The following PHF24 variants were observed in gnomAD, a reference collection of about 807,000 sequenced individuals.
PHF24 encodes the protein Galpha inhibitory interacting protein.
PHF24 carries 25 observed loss-of-function variants against 42.6 expected under a neutral mutation model. The observed-to-expected ratio is 0.59, with a 90% CI of 0.43 to 0.82. The LOEUF (loss-of-function observed/expected upper bound fraction) is 0.82, where lower values mean the gene tolerates loss of function less well. Ranked by LOEUF, PHF24 falls within the 40% of genes least tolerant of loss-of-function variation. The pLI, the probability that PHF24 is intolerant of heterozygous loss-of-function variation, is 0.00. For synonymous variants in PHF24, 185 were observed against 204.8 expected, an observed-to-expected ratio of 0.90 and a Z score of 0.83; for missense variants, 470 against 538.1, an observed-to-expected ratio of 0.87 and a Z score of 1.25.
At chr9:34,757,696 C>T in the PHF24 span, among the ~76,000 whole-genome samples, 2 of 151,740 alleles carry the variant, frequency 1.3e-5, no homozygotes, top group East Asian at 1.9e-4. Flanking sequence ...TATATAGTTT[C>T]GTCAGTTGTA....
At chr9:34,707,296 C>T in the PHF24 span, among the ~76,000 whole-genome samples, 1 of 152,240 alleles carries the variant, frequency 6.6e-6, no homozygotes, top group South Asian at 2.1e-4. Flanking sequence ...CACTCACTGG[C>T]GAGACTGATG....
chr9:34,775,521 A>G, the PHF24 span, among the ~76,000 whole-genome samples: 1 of 152,232 alleles, frequency 6.6e-6, no homozygotes, highest in Non-Finnish European at 1.5e-5. Context: ...ACACTCAACA[A>G]TGATTAAAAT....
chr9:34,732,128 T>C, the PHF24 span, among the ~76,000 whole-genome samples: 3 of 151,852 alleles, frequency 2.0e-5, no homozygotes, highest in East Asian at 5.8e-4. Flanking sequence ...TCCTAAAGTG[T>C]TGGGGTTACA....
At chr9:34,923,056 T>G in the PHF24 span, 36 of 450,338 alleles carry the variant, frequency 8.0e-5, no homozygotes, top group African/African-American at 2.5e-4. Flanking sequence ...TTTGTTTTTT[T>G]TTTTTTTTTA....
At chr9:34,976,453 C>T in intron 4 of PHF24, 82 bp from the exon 5 acceptor site, 1 of 1,456,184 alleles carries the variant, frequency 6.9e-7, no homozygotes, top group Middle Eastern at 2.4e-4. Context: ...GGTTTGGGGG[C>T]CCCGAGGGTG....
chr9:34,826,742 A>G, the PHF24 span, among the ~76,000 whole-genome samples: 1 of 152,126 alleles, frequency 6.6e-6, no homozygotes, highest in Non-Finnish European at 1.5e-5. Flanking sequence ...GCCATTCACC[A>G]TGACATGTTG....
At chr9:34,690,460 GT>G in the PHF24 span, 1 of 949,354 alleles carries the variant, frequency 1.1e-6, no homozygotes, top group Admixed American at 2.2e-5. Context: ...GTGTGTGTGT[GT>G]GTGTGTGTCT....
chr9:34,954,491 G>A (rs1201703773), upstream of PHF24, among the ~76,000 whole-genome samples: 1 of 152,214 alleles, frequency 6.6e-6, no homozygotes, highest in Non-Finnish European at 1.5e-5. Context: ...GTGGCCCCAA[G>A]AGATGTGTAT....
chr9:34,674,197 A>G, the PHF24 span, among the ~76,000 whole-genome samples: 2 of 152,250 alleles, frequency 1.3e-5, no homozygotes, highest in South Asian at 4.1e-4. Context: ...AAGACCCAGA[A>G]AGGTTAATTT....
Position 34,972,548 on chromosome 9 carries a change from G to A in PHF24, c.564+17G>A. The A allele has an allele frequency of 6.3e-7, 1 of 1,585,922 alleles. No homozygotes were observed. The highest frequency in any genetic ancestry group is 8.6e-7 in the Non-Finnish European group (1 of 1,163,906). ...CACTACTGTGTAAGTCTGGACTGCAGGGACAGCAGAGGACTTGGCACTTTT... is the reference window on the plus strand; with the variant it reads ...CACTACTGTGTAAGTCTGGACTGCAAGGACAGCAGAGGACTTGGCACTTTT... On this transcript the variant is annotated intron_variant, in intron 3 of 7. Transcript: ENST00000242315.
chr9:34,922,023 C>T, the PHF24 span, among the ~76,000 whole-genome samples: 5 of 152,244 alleles, frequency 3.3e-5, no homozygotes, highest in Non-Finnish European at 7.4e-5. Context: ...GCTCTACTCC[C>T]CTAATATTAA....
At chr9:34,895,331 T>C in the PHF24 span, among the ~76,000 whole-genome samples, 1 of 152,108 alleles carries the variant, frequency 6.6e-6, no homozygotes, top group Non-Finnish European at 1.5e-5. Context: ...CGGTGGGGAC[T>C]TTAGGATGAG....
chr9:34,768,125 T>A, the PHF24 span, among the ~76,000 whole-genome samples: 1 of 152,216 alleles, frequency 6.6e-6, no homozygotes, highest in South Asian at 2.1e-4. Flanking sequence ...GCATACTACA[T>A]TATTTCACTG....
chr9:34,802,570 C>A, the PHF24 span, among the ~76,000 whole-genome samples: 1 of 152,172 alleles, frequency 6.6e-6, no homozygotes, highest in Non-Finnish European at 1.5e-5. Flanking sequence ...CTAATCTAAC[C>A]TGAAAAGCAA....
At chr9:34,781,743 G>C in the PHF24 span, among the ~76,000 whole-genome samples, 1 of 151,972 alleles carries the variant, frequency 6.6e-6, no homozygotes, top group African/African-American at 2.4e-5. Context: ...AAGCATTGTA[G>C]GAAGTAGTTG....
the PHF24 span, among the ~76,000 whole-genome samples, chr9:34,815,755 G>T: frequency 6.6e-6 from 1 of 152,114 alleles, no homozygotes; most frequent in Non-Finnish European, 1.5e-5. Flanking sequence ...CAGTGAGCAG[G>T]TCTAAAAAAA....
At chr9:34,887,740 G>T in the PHF24 span, among the ~76,000 whole-genome samples, 1 of 152,026 alleles carries the variant, frequency 6.6e-6, no homozygotes, top group East Asian at 1.9e-4. Context: ...CATATATCTG[G>T]TCACCTTCTA....
At chr9:34,730,506 C>G in the PHF24 span, among the ~76,000 whole-genome samples, 1,763 of 152,278 alleles carry the variant, frequency 0.012, 23 homozygotes, top group Admixed American at 0.027. Flanking sequence ...GGTAAGCACC[C>G]AATATGTGCT....
chr9:34,771,800 G>A, the PHF24 span, among the ~76,000 whole-genome samples: 3 of 152,244 alleles, frequency 2.0e-5, no homozygotes, highest in Non-Finnish European at 4.4e-5. Flanking sequence ...ACCAGGGCTC[G>A]AACCCAGAAT....
Sources: allele counts gnomAD v4.1 joint callset (sites outside exome capture counted in the v4.1 genomes callset), GRCh38; gene constraint gnomAD v4.1.1; transcripts MANE v1.5; gene names NCBI Gene and HGNC (gene_info 2026-07-23, HGNC 2026-07-21).